The following EMSY variants were observed in gnomAD, a reference collection of about 807,000 sequenced individuals.
EMSY encodes the protein EMSY transcriptional repressor, BRCA2 interacting, also known as BRCA2-interacting transcriptional repressor EMSY.
A neutral mutation model predicts 134.6 loss-of-function variants in EMSY; 26 were observed. That is an observed-to-expected ratio of 0.19 (90% CI 0.14 to 0.27). The LOEUF is 0.27. Ranked by LOEUF, EMSY falls within the 10% of genes least tolerant of loss-of-function variation. EMSY has a pLI of 1.00. For synonymous variants in EMSY, 579 were observed against 577.8 expected (o/e 1.00, Z -0.03); for missense variants, 1,305 against 1,611.4 (o/e 0.81, Z 3.26).
At chr11:76,490,216 G>C (rs865866472) in intron 8 of EMSY, among the ~76,000 whole-genome samples, 1 of 145,900 alleles carries the variant, frequency 6.9e-6, no homozygotes. Flanking sequence ...TTATTTCCTC[G>C]ACTCGGTAGC....
chr11:76,544,236 T>C (rs1404633984), intron 18 of EMSY, 23 bp from the exon 20 acceptor site: 2 of 1,573,896 alleles, frequency 1.3e-6, no homozygotes, highest in Non-Finnish European at 1.7e-6. Context: ...ATTTCATTCT[T>C]ACTTTGTGCC....
In EMSY at chr11:76,535,878, T is replaced by C; in HGVS notation, c.2195-17T>C. 6.9e-7 allele frequency: 1 copy of C among 1,450,994 alleles called. No homozygotes were observed. Among genetic ancestry groups the C allele is most frequent in the African/African-American group, 1.4e-5 (1 of 69,422 alleles). 89.9% of individuals were successfully genotyped at this position (1,450,994 alleles called of 1,614,324 possible). On this transcript the variant is annotated splice_polypyrimidine_tract_variant and intron_variant, in intron 14 of 20. Coordinates refer to ENST00000334736, the Ensembl canonical transcript of EMSY. The stretch of plus-strand genomic sequence containing the variant: ...TTTGTTTATAGGGTTTGTTTTTTTT[T>C]AACTAATATAAAACAGATTCCCAGC...
chr11:76,445,940 G>T (rs1211432694), intron 1 of EMSY, among the ~76,000 whole-genome samples: 2 of 152,202 alleles, frequency 1.3e-5, no homozygotes, highest in African/African-American at 4.8e-5. Flanking sequence ...GAAGTAGGGG[G>T]AGGGGGGCTC....
chr11:76,470,591 C>T (rs1948532065), intron 7 of EMSY, among the ~76,000 whole-genome samples: 1 of 152,120 alleles, frequency 6.6e-6, no homozygotes, highest in African/African-American at 2.4e-5. Context: ...CACTCCGGTG[C>T]AGGCAGCCTC....
chr11:76,482,719 A>G (rs1590856041), intron 8 of EMSY, among the ~76,000 whole-genome samples: 1 of 152,302 alleles, frequency 6.6e-6, no homozygotes, highest in Non-Finnish European at 1.5e-5. Context: ...ATGAAAAGGA[A>G]TGAACAAAGC....
chr11:76,538,454 T>C (rs1163357074), intron 16 of EMSY, among the ~76,000 whole-genome samples: 1 of 152,064 alleles, frequency 6.6e-6, no homozygotes, highest in African/African-American at 2.4e-5. Flanking sequence ...AGAGATGGGA[T>C]TTCGCCATGT....
chr11:76,486,239 TG>T (rs1416763253), intron 8 of EMSY, among the ~76,000 whole-genome samples: 2 of 150,440 alleles, frequency 1.3e-5, no homozygotes, highest in East Asian at 2.0e-4. Context: ...CATCACACGC[TG>T]GGGCCTGTTG....
intron 17 of EMSY, among the ~76,000 whole-genome samples, chr11:76,541,486 T>C (rs11607503): frequency 0.04 from 6,054 of 152,288 alleles, 145 homozygotes; most frequent in Middle Eastern, 0.051. Context: ...CTCTTCTAGG[T>C]AGAAACAGCA....
In EMSY at chr11:76,491,986, C is replaced by T. The variant is rs921041790; in HGVS notation, c.1109-4229C>T. 5.3e-5 allele frequency among the ~76,000 whole-genome samples: 8 copies of T among 152,138 alleles called. No individual in the cohort carries two copies. In the South Asian group the frequency reaches 6.2e-4, roughly 12 times the overall value. ...ATTTATTAGTTTGTAATGATAGACT[C>T]GTGTGATCATTTGATTGTCTTCTCT... is the stretch of plus-strand genomic sequence containing the variant. On this transcript the variant is annotated intron_variant, in intron 8 of 20. Coordinates refer to ENST00000334736, the Ensembl canonical transcript of EMSY.
chr11:76,496,059 T>C (rs1949641578), intron 8 of EMSY, among the ~76,000 whole-genome samples, 156 bp from the exon 10 acceptor site: 2 of 152,220 alleles, frequency 1.3e-5, no homozygotes, highest in Non-Finnish European at 2.9e-5. Flanking sequence ...ATATGTAAGG[T>C]GCCACACATT....
chr11:76,548,748 C>G (rs1335026107), intron 20 of EMSY, among the ~76,000 whole-genome samples: 1 of 152,216 alleles, frequency 6.6e-6, no homozygotes, highest in East Asian at 1.9e-4. Flanking sequence ...ACTCCAGAAC[C>G]AATGCGTAGG....
intron 12 of EMSY, among the ~76,000 whole-genome samples, chr11:76,524,176 T>G (rs551755300): frequency 6.6e-6 from 1 of 152,222 alleles, no homozygotes; most frequent in Non-Finnish European, 1.5e-5. Flanking sequence ...TTGGGTGACA[T>G]ACTCAACCTC....
intron 14 of EMSY, among the ~76,000 whole-genome samples, chr11:76,533,398 C>A (rs187588359): frequency 2.1e-4 from 32 of 152,238 alleles, no homozygotes; most frequent in South Asian, 4.1e-4. Flanking sequence ...AGTCACAAGA[C>A]CTGTTTCTAC....
intron 20 of EMSY, among the ~76,000 whole-genome samples, chr11:76,549,270 G>T (rs574052103): frequency 6.6e-6 from 1 of 152,324 alleles, no homozygotes; most frequent in East Asian, 1.9e-4. Context: ...CATGAGGCTG[G>T]TAGCCATGGT....
intron 5 of EMSY, chr11:76,459,643 C>G: frequency 3.4e-6 from 1 of 292,976 alleles, no homozygotes; most frequent in Non-Finnish European, 6.4e-6. Context: ...AAATTATTTT[C>G]ATTTTTTCTC....
intron 13 of EMSY, among the ~76,000 whole-genome samples, chr11:76,527,224 T>C (rs888069390): frequency 4.9e-4 from 74 of 151,426 alleles, no homozygotes; most frequent in African/African-American, 1.7e-3. Context: ...TAGTTTCGGT[T>C]GAGAAATGCC....
chr11:76,536,079 A>G lies in EMSY; in HGVS notation c.2359+20A>G, dbSNP rs770664605. ...CAACAGGTATGAATTCACATGCTCA[A>G]TTGAATGAAGCATGTTTTCTCTAGA... is the stretch of plus-strand genomic sequence containing the variant. On this transcript the variant is annotated intron_variant, in intron 15 of 20. Coordinates refer to ENST00000334736, the Ensembl canonical transcript of EMSY. The G allele has an allele frequency of 1.9e-5, 28 of 1,478,876 alleles. No homozygotes were observed. The highest frequency in any genetic ancestry group is 2.4e-5 in the Non-Finnish European group (27 of 1,105,628). The allele number at this position is 1,478,876 out of a possible 1,614,324, so 91.6% of individuals were successfully genotyped here. A position where few individuals can be genotyped will look rare whatever the true frequency, so the allele number is the denominator to read the frequency against.
chr11:76,528,472 A>G lies in EMSY; in HGVS notation c.2194+6A>G, dbSNP rs1950920838. ...GTCCTCCCAGAGTTCCCAAGGTAAG[A>G]TCTATTTTACTTCTGATTTATATAA... On this transcript the variant is annotated splice_donor_region_variant and intron_variant, in intron 14 of 20. Coordinates refer to ENST00000334736, the Ensembl canonical transcript of EMSY. 3 of 1,586,854 alleles carry G rather than the reference A, an allele frequency of 1.9e-6. No individual in the cohort carries two copies. Among genetic ancestry groups the G allele is most frequent in the South Asian group, 2.2e-5 (2 of 89,732 alleles).
intron 9 of EMSY, among the ~76,000 whole-genome samples, chr11:76,499,998 G>A (rs527524290): frequency 2.5e-4 from 37 of 150,416 alleles, no homozygotes; most frequent in African/African-American, 8.5e-4. Flanking sequence ...GATTGCTTGA[G>A]CCCAGAAGTT....
Sources: allele counts gnomAD v4.1 joint callset (sites outside exome capture counted in the v4.1 genomes callset), GRCh38; gene constraint gnomAD v4.1.1; transcripts MANE v1.5; gene names NCBI Gene and HGNC (gene_info 2026-07-23, HGNC 2026-07-21).